The following ETS1 variants were observed in gnomAD, a reference collection of about 807,000 sequenced individuals.
ETS1 encodes ETS proto-oncogene 1, transcription factor, also known as protein C-ets-1.
A neutral mutation model predicts 58.6 loss-of-function variants in ETS1; 15 were observed. The observed-to-expected ratio is 0.26, with a 90% CI of 0.17 to 0.39. The LOEUF is 0.39. Among genes scored for constraint, ETS1 ranks in the 10% least tolerant of loss-of-function variants. ETS1 has a pLI of 1.00. For missense variants in ETS1, 417 were observed against 610.5 expected (o/e 0.68, Z 3.34); for synonymous variants, 214 against 218.2 (o/e 0.98, Z 0.17).
intron 5 of ETS1, among the ~76,000 whole-genome samples, chr11:128,488,733 G>T (rs1302969438): frequency 6.6e-6 from 1 of 152,162 alleles, no homozygotes; most frequent in Non-Finnish European, 1.5e-5. Flanking sequence ...TCATTATAAG[G>T]TTGCAACATA....
intron 2 of ETS1, among the ~76,000 whole-genome samples, chr11:128,570,091 T>C (rs57224544): frequency 0.015 from 2,355 of 152,318 alleles, 71 homozygotes; most frequent in African/African-American, 0.053. Flanking sequence ...TGGGATTTTT[T>C]TATTCTCCCA....
chr11:128,465,128 A>T (rs2135412067), intron 8 of ETS1, among the ~76,000 whole-genome samples: 1 of 152,320 alleles, frequency 6.6e-6, no homozygotes, highest in East Asian at 1.9e-4. Flanking sequence ...GTCCTCCTCC[A>T]GTAACAACTT....
chr11:128,504,008 T>C (rs1220249172), intron 3 of ETS1, among the ~76,000 whole-genome samples: 1 of 152,040 alleles, frequency 6.6e-6, no homozygotes, highest in Non-Finnish European at 1.5e-5. Context: ...GTGCAGTAAA[T>C]CTAAATATAT....
At chr11:128,501,136 G>A (rs765702982) in intron 3 of ETS1, among the ~76,000 whole-genome samples, 3 of 152,046 alleles carry the variant, frequency 2.0e-5, no homozygotes, top group Non-Finnish European at 4.4e-5. Context: ...TCCAAACTCC[G>A]TGGTTCCTTC....
At chr11:128,532,740 T>C (rs1250026800) in intron 3 of ETS1, among the ~76,000 whole-genome samples, 2 of 152,120 alleles carry the variant, frequency 1.3e-5, no homozygotes, top group African/African-American at 4.8e-5. Flanking sequence ...TCTTTTCTCT[T>C]ACAGAGCAGC....
chr11:128,575,999 T>C, intron 1 of ETS1, among the ~76,000 whole-genome samples: 1 of 152,232 alleles, frequency 6.6e-6, no homozygotes, highest in Admixed American at 6.5e-5. Context: ...GGAAATATGT[T>C]TTCTCTTCTC....
chr11:128,496,880 G>A (rs755277137), intron 3 of ETS1, among the ~76,000 whole-genome samples: 8 of 152,144 alleles, frequency 5.3e-5, no homozygotes, highest in African/African-American at 1.9e-4. Context: ...TCAGCCCCTC[G>A]GCTGTATTTT....
intron 1 of ETS1, among the ~76,000 whole-genome samples, chr11:128,585,040 G>GA (rs1227960040): frequency 2.4e-4 from 2 of 8,362 alleles, no homozygotes; most frequent in East Asian, 4.1e-3. Context: ...AGAAAAGAAA[G>GA]AAAGAAAGAA....
At chr11:128,482,690 T>C (rs1386238698) in intron 7 of ETS1, among the ~76,000 whole-genome samples, 1 of 152,128 alleles carries the variant, frequency 6.6e-6, no homozygotes, top group African/African-American at 2.4e-5. Flanking sequence ...GGGTATTTTC[T>C]CCAAAAATGG....
intron 8 of ETS1, among the ~76,000 whole-genome samples, chr11:128,466,409 G>T (rs144061074): frequency 6.6e-6 from 1 of 151,964 alleles, no homozygotes; most frequent in East Asian, 1.9e-4. Flanking sequence ...CAGGGCCCAG[G>T]AGCACACTGC....
At chr11:128,548,900 T>C (rs1050153897) in intron 3 of ETS1, among the ~76,000 whole-genome samples, 4 of 152,228 alleles carry the variant, frequency 2.6e-5, no homozygotes, top group African/African-American at 9.6e-5. Context: ...TCTTTTCCCA[T>C]AACCTCCAGA....
intron 2 of ETS1, among the ~76,000 whole-genome samples, chr11:128,569,693 A>G (rs908938216): frequency 9.8e-5 from 15 of 152,300 alleles, no homozygotes; most frequent in African/African-American, 3.1e-4. Flanking sequence ...GTTTATACCA[A>G]TAAGTGTTAT....
At chr11:128,574,758 G>A (rs1212981954) in intron 1 of ETS1, among the ~76,000 whole-genome samples, 1 of 152,130 alleles carries the variant, frequency 6.6e-6, no homozygotes, top group Admixed American at 6.5e-5. Context: ...TTAGAATCAA[G>A]TTTTAAAGTC....
chr11:128,563,930 G>T (rs1423181628), intron 2 of ETS1, among the ~76,000 whole-genome samples: 1 of 152,164 alleles, frequency 6.6e-6, no homozygotes, highest in East Asian at 1.9e-4. Context: ...GTTGCATGTA[G>T]TTGCCCTTGT....
Position 128,573,066 on chromosome 11 carries a change from ACTG to A in ETS1, c.62_64del (p.Ala21del). 1 of 1,604,394 alleles carries A rather than the reference ACTG, an allele frequency of 6.2e-7. No individual in the cohort carries two copies. Among genetic ancestry groups the A allele is most frequent in the East Asian group, 2.2e-5 (1 of 44,622 alleles). On this transcript the variant is annotated inframe_deletion, in exon 2 of 10. Transcript: ENST00000392668. ...AGGGAAGGGGCCACCACTCACCACC[ACTG>A]CAGGACGAGGCGCTGAGTAAGGGAC...
intron 3 of ETS1, among the ~76,000 whole-genome samples, chr11:128,542,993 T>C (rs981626800): frequency 1.3e-5 from 2 of 151,972 alleles, no homozygotes; most frequent in African/African-American, 4.8e-5. Context: ...GCTAACATGG[T>C]GAAAACCCGT....
chr11:128,493,715 A>G (rs1862864733), intron 3 of ETS1, among the ~76,000 whole-genome samples: 1 of 152,250 alleles, frequency 6.6e-6, no homozygotes, highest in Non-Finnish European at 1.5e-5. Context: ...AAAAGAAAAA[A>G]AAAGTCAAAC....
chr11:128,503,880 A>T (rs1863156273), intron 3 of ETS1, among the ~76,000 whole-genome samples: 1 of 152,158 alleles, frequency 6.6e-6, no homozygotes, highest in Admixed American at 6.5e-5. Context: ...AGCACATGAG[A>T]TGGCCGTCCC....
intron 2 of ETS1, among the ~76,000 whole-genome samples, chr11:128,565,306 G>T (rs1272662530): frequency 6.6e-6 from 1 of 152,126 alleles, no homozygotes; most frequent in Non-Finnish European, 1.5e-5. Flanking sequence ...CAGCAGGAAG[G>T]GTCCATCTTG....
Sources: gnomAD v4.1 joint callset for allele counts (sites outside exome capture counted in the v4.1 genomes callset) on GRCh38, gnomAD v4.1.1 for gene constraint, MANE v1.5 for transcripts, NCBI Gene and HGNC (gene_info 2026-07-23, HGNC 2026-07-21) for gene names.